Variants in ANKS1B observed in about 807,000 individuals in gnomAD.
ANKS1B encodes ankyrin repeat and sterile alpha motif domain containing 1B.
In ANKS1B, 36 loss-of-function variants were observed where a neutral mutation model predicts 148.3. The ratio of observed to expected loss-of-function variants is 0.24; its 90% CI spans 0.19 to 0.32. ANKS1B has a LOEUF of 0.32. Among genes scored for constraint, ANKS1B ranks in the 10% least tolerant of loss-of-function variants. The pLI, the probability that ANKS1B is intolerant of heterozygous loss-of-function variation, is 1.00. For missense variants in ANKS1B, 1,157 were observed against 1,542.6 expected (o/e 0.75, Z 4.19); for synonymous variants, 542 against 560.8 (o/e 0.97, Z 0.47).
chr12:99,705,431 G>T (rs757704005), intron 8 of ANKS1B, among the ~76,000 whole-genome samples: 32 of 152,056 alleles, frequency 2.1e-4, no homozygotes, highest in Non-Finnish European at 4.3e-4. Flanking sequence ...CGGTCAAAAG[G>T]AAAGATCTAA....
chr12:98,844,144 G>A (rs2099429421), intron 17 of ANKS1B, among the ~76,000 whole-genome samples: 1 of 152,164 alleles, frequency 6.6e-6, no homozygotes, highest in Admixed American at 6.5e-5. Flanking sequence ...ACCTGAGTGT[G>A]AGTGTTGGTA....
intron 9 of ANKS1B, among the ~76,000 whole-genome samples, chr12:99,550,141 T>A (rs939339191): frequency 2.0e-5 from 3 of 152,186 alleles, no homozygotes; most frequent in African/African-American, 7.2e-5. Context: ...CATGGTGCTC[T>A]CTATCTATCT....
chr12:99,101,402 TA>T (rs1456922298), intron 15 of ANKS1B, among the ~76,000 whole-genome samples: 2 of 152,202 alleles, frequency 1.3e-5, no homozygotes, highest in Non-Finnish European at 2.9e-5. Context: ...AGAAATACTA[TA>T]GAGCCAAAAC....
rs73141666 is a variant in ANKS1B at position 99,573,357 on chromosome 12, C to T, written c.1273-68716G>A. 2.8e-3 allele frequency among the ~76,000 whole-genome samples: 432 copies of T among 152,110 alleles called. 2 individuals are homozygous for T. The highest frequency in any genetic ancestry group is 4.9e-3 in the Non-Finnish European group (332 of 67,946). On this transcript the variant is annotated intron_variant, in intron 9 of 26. Coordinates refer to ENST00000683438, the MANE Select transcript of ANKS1B (RefSeq NM_001352186.2). ...ATAAAAATATCTAGACATACATTGA[C>T]ATATGAGATGATTGATTTTTTTAAA...
At chr12:99,917,914 C>T (rs927197316) in intron 1 of ANKS1B, among the ~76,000 whole-genome samples, 7 of 152,234 alleles carry the variant, frequency 4.6e-5, no homozygotes, top group Non-Finnish European at 7.3e-5. Context: ...CAAGCATTAT[C>T]GCCTGAGCGC....
rs571197602 is a variant in ANKS1B, at chr12:99,769,162, A to G, written c.1128+3760T>C. ...TACGAGATTTGTTCCATCTCAAAAA[A>G]TTCTAGTTTTGTGGTGTTTTCAAGA... On this transcript the variant is annotated intron_variant, in intron 8 of 26. Transcript: ENST00000683438. 2.6e-5 allele frequency among the ~76,000 whole-genome samples: 4 copies of G among 152,180 alleles called. No individual in the cohort carries two copies. The South Asian group carries it at 8.3e-4, about 32-fold the overall frequency.
intron 16 of ANKS1B, among the ~76,000 whole-genome samples, chr12:99,061,949 C>T (rs954441581): frequency 6.6e-6 from 1 of 152,066 alleles, no homozygotes; most frequent in Non-Finnish European, 1.5e-5. Flanking sequence ...CAGGGAAACC[C>T]CAAGTTTCTA....
intron 1 of ANKS1B, among the ~76,000 whole-genome samples, chr12:99,856,814 C>G (rs1305061354): frequency 6.6e-6 from 1 of 152,094 alleles, no homozygotes; most frequent in Non-Finnish European, 1.5e-5. Flanking sequence ...ACAGAAAAAG[C>G]ATTTGACAAA....
chr12:99,170,657 A>G (rs1423257501), intron 14 of ANKS1B, among the ~76,000 whole-genome samples: 1 of 152,110 alleles, frequency 6.6e-6, no homozygotes, highest in Admixed American at 6.6e-5. Context: ...TTTGTTTCCA[A>G]CAGACAAAAA....
intron 17 of ANKS1B, among the ~76,000 whole-genome samples, chr12:98,910,966 G>A (rs2099785993): frequency 6.6e-6 from 1 of 152,132 alleles, no homozygotes; most frequent in African/African-American, 2.4e-5. Flanking sequence ...ACTGGCAAAA[G>A]TCTTAAAACA....
At chr12:99,578,042 C>A (rs535494013) in intron 9 of ANKS1B, among the ~76,000 whole-genome samples, 1 of 152,230 alleles carries the variant, frequency 6.6e-6, no homozygotes, top group South Asian at 2.1e-4. Flanking sequence ...AGGCTTCATT[C>A]CTGGGATGCA....
chr12:99,413,988 T>C (rs1020395745), intron 11 of ANKS1B, among the ~76,000 whole-genome samples: 8 of 152,174 alleles, frequency 5.3e-5, no homozygotes, highest in African/African-American at 1.9e-4. Context: ...CTGCCTTTCC[T>C]GCCCAGGGCT....
At chr12:99,462,794 G>C (rs2096005648) in intron 10 of ANKS1B, among the ~76,000 whole-genome samples, 1 of 152,180 alleles carries the variant, frequency 6.6e-6, no homozygotes, top group South Asian at 2.1e-4. Context: ...GAATGGCCTG[G>C]TGCCCTCCCT....
chr12:99,515,881 T>G (rs1020838331), intron 9 of ANKS1B, among the ~76,000 whole-genome samples: 1 of 152,152 alleles, frequency 6.6e-6, no homozygotes, highest in African/African-American at 2.4e-5. Context: ...GATATCTCAT[T>G]GTAGTTTTGA....
intron 1 of ANKS1B, among the ~76,000 whole-genome samples, chr12:99,840,612 CAG>C (rs1261769559): frequency 6.6e-6 from 1 of 152,024 alleles, no homozygotes; most frequent in Non-Finnish European, 1.5e-5. Flanking sequence ...GTAAAGGAAA[CAG>C]AATTTGCTGA....
intron 17 of ANKS1B, among the ~76,000 whole-genome samples, chr12:98,965,508 T>C (rs1007807696): frequency 2.0e-5 from 3 of 152,222 alleles, no homozygotes; most frequent in Admixed American, 1.3e-4. Context: ...CTGATTTCTA[T>C]GCTTTTTAAT....
intron 1 of ANKS1B, among the ~76,000 whole-genome samples, chr12:99,911,433 A>C (rs1355828807): frequency 6.6e-6 from 1 of 152,230 alleles, no homozygotes; most frequent in Non-Finnish European, 1.5e-5. Context: ...CCATTTGTCC[A>C]AGAAAAACTT....
intron 15 of ANKS1B, among the ~76,000 whole-genome samples, chr12:99,125,483 G>A (rs1448156089): frequency 6.6e-6 from 1 of 152,198 alleles, no homozygotes; most frequent in Non-Finnish European, 1.5e-5. Flanking sequence ...GGGCTGCCAT[G>A]TCATTAGAAG....
At chr12:99,683,492 C>A (rs888636845) in intron 8 of ANKS1B, among the ~76,000 whole-genome samples, 1 of 151,556 alleles carries the variant, frequency 6.6e-6, no homozygotes, top group African/African-American at 2.4e-5. Flanking sequence ...AATAACAAAT[C>A]GCAAACAAAA....
Sources: gnomAD v4.1 joint callset for allele counts (sites outside exome capture counted in the v4.1 genomes callset) on GRCh38, gnomAD v4.1.1 for gene constraint, MANE v1.5 for transcripts, NCBI Gene and HGNC (gene_info 2026-07-23, HGNC 2026-07-21) for gene names.